The following SLCO4A1 variants were observed in gnomAD, a reference collection of about 807,000 sequenced individuals.
SLCO4A1 encodes colon organic anion transporter.
In SLCO4A1, 51 loss-of-function variants were observed where a neutral mutation model predicts 64.6. That is an observed-to-expected ratio of 0.79 (90% CI 0.63 to 1.00). The LOEUF (loss-of-function observed/expected upper bound fraction) is 1.00, where lower values mean the gene tolerates loss of function less well. SLCO4A1 is among the 50% of genes least tolerant of loss of function. The pLI, the probability that SLCO4A1 is intolerant of heterozygous loss-of-function variation, is 0.00. For synonymous variants in SLCO4A1, 471 were observed against 444.9 expected (o/e 1.06, Z -0.74); for missense variants, 919 against 980.5 (o/e 0.94, Z 0.84).
rs145048951 is a variant in SLCO4A1, at chr20:62,657,479, C to T, written c.796+229C>T. Among the ~76,000 whole-genome samples, 1,407 of 152,376 alleles carry T rather than the reference C, an allele frequency of 9.2e-3. 25 individuals carry two copies. The highest frequency in any genetic ancestry group is 0.032 in the African/African-American group (1,330 of 41,590). On this transcript the variant is annotated intron_variant, in intron 2 of 11. Transcript: ENST00000217159. ...TGTGGACCCTGCTCAGGGCTCCAGG[C>T]CGCTGTGCCCGGGAGCCTCAGTGCA...
At position 62,667,811 on chromosome 20, in the gene SLCO4A1, A is replaced by G. The variant is rs747285542; in HGVS notation, c.1539A>G (p.Glu513=). 5.0e-6 allele frequency: 8 copies of G among 1,612,938 alleles called. No homozygotes were observed. The South Asian group carries it at 7.7e-5, about 15-fold the overall frequency. Residue 513 remains glutamate (E), a synonymous_variant, in exon 8 of 12, where the codon GAA becomes GAG. Transcript: ENST00000217159. ...ACGCTGCCTGCAGCTGCCAGCCAGA[A>G]CACTACAGCCCTGTGTGCGGCTCGG... is the stretch of plus-strand genomic sequence containing the variant. The part of the protein sequence containing the change: ...PCNAACSCQP[E]HYSPVCGSDG...
chr20:62,653,292 C>G (rs2427366), intron 1 of SLCO4A1, among the ~76,000 whole-genome samples: 151,983 of 152,268 alleles, frequency 1, 75,850 homozygotes, highest in East Asian at 1. Flanking sequence ...CCTGAGATCC[C>G]TGTGGCCTTG....
At position 62,671,957 on chromosome 20, in the gene SLCO4A1, G is replaced by C. The variant is rs780941369; in HGVS notation, c.*64G>C. The C allele has an allele frequency of 2.5e-6, 4 of 1,600,538 alleles. No homozygotes were observed. The highest frequency in any genetic ancestry group is 3.4e-6 in the Non-Finnish European group (4 of 1,179,784). ...CATTTCCTGATGACAGAACAGTGCC[G>C]TTGGGTGATGCAATCACACGGGAAC... On this transcript the variant is annotated 3_prime_UTR_variant, in exon 12 of 12. Transcript: ENST00000217159.
At chr20:62,667,945 C>T (rs1986667806) in intron 8 of SLCO4A1, 35 bp downstream of exon 8, 1 of 1,613,896 alleles carries the variant, frequency 6.2e-7, no homozygotes, top group Non-Finnish European at 8.5e-7. Context: ...CCCTGTCCTC[C>T]CCTGGACCCT....
chr20:62,657,744 T>C (rs1323354887), intron 2 of SLCO4A1, among the ~76,000 whole-genome samples: 1 of 152,176 alleles, frequency 6.6e-6, no homozygotes, highest in East Asian at 1.9e-4. Flanking sequence ...GACAGAGCCC[T>C]GAGACCACAC....
At chr20:62,650,245 C>G (rs929709018) in intron 1 of SLCO4A1, 1 of 152,308 alleles carries the variant, frequency 6.6e-6, no homozygotes, top group African/African-American at 2.4e-5. Flanking sequence ...GTACACACAC[C>G]TACACAGACG....
chr20:62,667,561 T>C (rs1427183137), intron 7 of SLCO4A1, 184 bp from the exon 8 acceptor site: 5 of 660,432 alleles, frequency 7.6e-6, no homozygotes, highest in South Asian at 2.0e-5. Context: ...GAAAAACCAT[T>C]CTATCACCAG....
chr20:62,681,568 G>A (rs1365682091), intron 2 of SLCO4A1, among the ~76,000 whole-genome samples: 1 of 149,204 alleles, frequency 6.7e-6, no homozygotes, highest in Non-Finnish European at 1.5e-5. Flanking sequence ...GTACACACTC[G>A]TGTGTGTGTG....
chr20:62,643,070 CG>C (rs765812805), intron 1 of SLCO4A1: 3 of 469,106 alleles, frequency 6.4e-6, no homozygotes, highest in South Asian at 4.7e-5. Flanking sequence ...GGAAGTTTCT[CG>C]GGGGCGGCCG....
intron 4 of SLCO4A1, 101 bp from the exon 5 acceptor site, chr20:62,660,963 G>A (rs1984675490): frequency 2.5e-6 from 2 of 814,464 alleles, no homozygotes; most frequent in Admixed American, 2.3e-5. Flanking sequence ...GACGTTCCCA[G>A]ACCGGGGAGG....
At chr20:62,654,787 C>T (rs1983333935) in intron 1 of SLCO4A1, among the ~76,000 whole-genome samples, 1 of 152,206 alleles carries the variant, frequency 6.6e-6, no homozygotes, top group African/African-American at 2.4e-5. Context: ...ACCTTAGCTC[C>T]ACAGTGAAGA....
chr20:62,667,614 G>A (rs2258022), intron 7 of SLCO4A1, 131 bp from the exon 8 acceptor site: 1 of 1,096,766 alleles, frequency 9.1e-7, no homozygotes. Flanking sequence ...TGGGGGCGGT[G>A]CAAGCTTGGC....
chr20:62,667,040 C>T (rs914583237), intron 7 of SLCO4A1, among the ~76,000 whole-genome samples: 2 of 152,216 alleles, frequency 1.3e-5, no homozygotes, highest in South Asian at 2.1e-4. Flanking sequence ...CCCTGCCCTG[C>T]GGGCCCCGGG....
At chr20:62,651,290 G>C (rs1031450171) in intron 1 of SLCO4A1, 2 of 152,216 alleles carry the variant, frequency 1.3e-5, no homozygotes, top group African/African-American at 2.4e-5. Flanking sequence ...AGAGAACCCG[G>C]AGCTGAAACT....
intron 4 of SLCO4A1, among the ~76,000 whole-genome samples, 191 bp downstream of exon 4, chr20:62,660,724 G>C (rs918622204): frequency 6.6e-6 from 1 of 152,186 alleles, no homozygotes; most frequent in African/African-American, 2.4e-5. Context: ...CAGGTTGTGT[G>C]TCCATCCTGT....
In SLCO4A1 at chr20:62,661,013, A is replaced by C. The variant is rs775679730; in HGVS notation, c.1010-51A>C. 2 of 922,984 alleles carry C rather than the reference A, an allele frequency of 2.2e-6. No homozygotes were observed. Among genetic ancestry groups the C allele is most frequent in the African/African-American group, 1.9e-5 (1 of 51,510 alleles). The allele number at this position is 922,984 out of a possible 1,614,324, so 57.2% of individuals were successfully genotyped here. A position where few individuals can be genotyped will look rare whatever the true frequency, so the allele number is the denominator to read the frequency against. On this transcript the variant is annotated intron_variant, in intron 4 of 11. Transcript: ENST00000217159. The surrounding 1 kb of genome is among the most constrained non-coding windows in gnomAD (Gnocchi z 5.2). ...GGCAGAGCCTCTCTCGGAGAAGTCCACCTCCGGGAGCCCCCAGCCCCCAGC... is the reference window on the plus strand; with the variant it reads ...GGCAGAGCCTCTCTCGGAGAAGTCCCCCTCCGGGAGCCCCCAGCCCCCAGC...
At chr20:62,659,393 C>T (rs934164540) in intron 3 of SLCO4A1, among the ~76,000 whole-genome samples, 8 of 152,164 alleles carry the variant, frequency 5.3e-5, no homozygotes, top group Non-Finnish European at 8.8e-5. Context: ...CTCTGTTACT[C>T]GGCCTGGGCA....
chr20:62,687,806 T>C (rs1988114916), downstream of SLCO4A1, among the ~76,000 whole-genome samples: 1 of 152,040 alleles, frequency 6.6e-6, no homozygotes, highest in Admixed American at 6.5e-5. Context: ...GCTGCCAGCC[T>C]AGCACAGCCT....
intron 11 of SLCO4A1, among the ~76,000 whole-genome samples, chr20:62,671,409 G>A (rs1438950623): frequency 6.6e-6 from 1 of 152,210 alleles, no homozygotes; most frequent in Non-Finnish European, 1.5e-5. Flanking sequence ...TTAGATCCAG[G>A]ATGGTCTCAT....
Sources: allele counts gnomAD v4.1 joint callset (sites outside exome capture counted in the v4.1 genomes callset), GRCh38; gene constraint gnomAD v4.1.1; non-coding constraint Gnocchi (gnomAD v3.1); transcripts MANE v1.5; gene names NCBI Gene and HGNC (gene_info 2026-07-23, HGNC 2026-07-21).